Variants in LMO2 observed in about 807,000 individuals in gnomAD.
The protein encoded by LMO2 is rhombotin-2.
Under a neutral mutation model 23.2 loss-of-function variants are expected in LMO2, and 20 were observed. The observed-to-expected ratio is 0.86, with a 90% CI of 0.61 to 1.25. The LOEUF (loss-of-function observed/expected upper bound fraction) is 1.25, where lower values mean the gene tolerates loss of function less well. Among genes scored for constraint, LMO2 ranks in the 50% most tolerant of loss-of-function variants. LMO2 has a pLI of 0.00. For missense variants in LMO2, 270 were observed against 315.3 expected (o/e 0.86, Z 1.09); for synonymous variants, 123 against 130.2 (o/e 0.94, Z 0.38).
intron 1 of LMO2, among the ~76,000 whole-genome samples, chr11:33,882,724 T>G (rs1251205245): frequency 6.6e-6 from 1 of 152,240 alleles, no homozygotes; most frequent in Non-Finnish European, 1.5e-5. Flanking sequence ...TACTTGATCT[T>G]ATTCAATCCT....
Position 33,859,056 on chromosome 11 carries a change from T to C in LMO2, c.*300A>G. 1 of 407,326 alleles carries C rather than the reference T, an allele frequency of 2.5e-6. No homozygotes were observed. The highest frequency in any genetic ancestry group is 4.5e-6 in the Non-Finnish European group (1 of 220,816). 25.2% of individuals were successfully genotyped at this position (407,326 alleles called of 1,614,324 possible). A position where few individuals can be genotyped will look rare whatever the true frequency, so the allele number is the denominator to read the frequency against. On this transcript the variant is annotated 3_prime_UTR_variant, in exon 6 of 6. Coordinates refer to ENST00000257818, the MANE Select transcript of LMO2 (RefSeq NM_005574.4). ...CTGTAGATATGAAATTCCATCATGA[T>C]AGCACAGCGCCTGCTTGCCCCTAAA...
rs1241633794 is a variant in LMO2, at chr11:33,880,177, C to CATGATATATATATCATATATACAA, written c.-272+1646_-272+1647insTTGTATATATGATATATATATCAT. Among the ~76,000 whole-genome samples the CATGATATATATATCATATATACAA allele has an allele frequency of 2.7e-5, 4 of 145,468 alleles. 1 individual carries two copies. The highest frequency in any genetic ancestry group is 4.5e-5 in the Non-Finnish European group (3 of 66,828). ...CATATATATACATATGATATATACA[C>CATGATATATATATCATATATACAA]ATGATATATATATCATATATACACA... On this transcript the variant is annotated intron_variant, in intron 2 of 5. Coordinates refer to ENST00000257818, the MANE Select transcript of LMO2 (RefSeq NM_005574.4). This position sits in a 1 kb window ranked among gnomAD's most constrained non-coding sequence, Gnocchi z 4.3.
intron 1 of LMO2, among the ~76,000 whole-genome samples, chr11:33,886,702 G>C (rs911816): frequency 2.8e-4 from 43 of 152,312 alleles, no homozygotes; most frequent in African/African-American, 1.0e-3. Flanking sequence ...TTTGGCATCC[G>C]TGGTGGGGAA....
intron 5 of LMO2, among the ~76,000 whole-genome samples, chr11:33,862,844 C>T (rs1856633618): frequency 1.3e-5 from 2 of 152,090 alleles, no homozygotes; most frequent in African/African-American, 2.4e-5. Flanking sequence ...AATGCCTGCA[C>T]TAATGCAGAG....
chr11:33,873,739 T>A (rs1464542739), intron 2 of LMO2, among the ~76,000 whole-genome samples: 3 of 151,666 alleles, frequency 2.0e-5, no homozygotes, highest in Non-Finnish European at 4.4e-5. Context: ...CCTTCCTGAA[T>A]AAGAATGCTA....
At chr11:33,888,700 C>A (rs760004555) in intron 1 of LMO2, among the ~76,000 whole-genome samples, 6 of 152,244 alleles carry the variant, frequency 3.9e-5, no homozygotes, top group Non-Finnish European at 8.8e-5. Context: ...ATATTGCCAT[C>A]TGGCATACTA....
At chr11:33,890,593 C>T (rs1278308348) in intron 1 of LMO2, among the ~76,000 whole-genome samples, 1 of 152,230 alleles carries the variant, frequency 6.6e-6, no homozygotes, top group Non-Finnish European at 1.5e-5. Flanking sequence ...CTCAGGCGAT[C>T]TGCCTGCCTT....
At chr11:33,861,554 C>T (rs551063367) in intron 5 of LMO2, among the ~76,000 whole-genome samples, 11 of 152,238 alleles carry the variant, frequency 7.2e-5, no homozygotes, top group South Asian at 2.1e-4. Flanking sequence ...TTTATCCCAA[C>T]GTAGCAGATG....
At chr11:33,867,155 C>G (rs1012064028) in intron 4 of LMO2, among the ~76,000 whole-genome samples, 9 of 152,182 alleles carry the variant, frequency 5.9e-5, no homozygotes, top group African/African-American at 2.2e-4. Context: ...GCAGTGGGGG[C>G]CACCAGTAGC....
chr11:33,887,957 G>T (rs1857453449), intron 1 of LMO2, among the ~76,000 whole-genome samples: 2 of 151,060 alleles, frequency 1.3e-5, no homozygotes, highest in South Asian at 4.2e-4. Flanking sequence ...TTTGGGTTGG[G>T]TTGGGGTGGG....
chr11:33,888,200 C>T (rs1857459166), intron 1 of LMO2, among the ~76,000 whole-genome samples: 1 of 152,172 alleles, frequency 6.6e-6, no homozygotes, highest in African/African-American at 2.4e-5. Context: ...CAAGCGCATT[C>T]GTATATGATC....
chr11:33,859,765 C>A (rs1856501343), intron 5 of LMO2, among the ~76,000 whole-genome samples, 190 bp from the exon 6 acceptor site: 1 of 152,104 alleles, frequency 6.6e-6, no homozygotes, highest in African/African-American at 2.4e-5. Flanking sequence ...ATGAAACTGG[C>A]ATTTGGATCT....
At chr11:33,879,929 C>T (rs894509470) in intron 2 of LMO2, among the ~76,000 whole-genome samples, 8 of 151,972 alleles carry the variant, frequency 5.3e-5, no homozygotes, top group Non-Finnish European at 8.8e-5. Context: ...TTATTGAAAA[C>T]GGTATGCCGG....
intron 2 of LMO2, among the ~76,000 whole-genome samples, chr11:33,877,269 A>C (rs1018194881): frequency 6.6e-5 from 10 of 152,124 alleles, no homozygotes; most frequent in African/African-American, 2.4e-4. Flanking sequence ...CTTCAGAGTC[A>C]CGTGTCTCTG....
chr11:33,880,167 GATATATACACATGATATATATATC>G lies in LMO2; in HGVS notation c.-272+1633_-272+1656del, dbSNP rs1565034543. ...TTTATGTGTACATATATATACATATGATATATACACATGATATATATATCATATATACACATGATATATATATCA... is the reference window on the plus strand; with the variant it reads ...TTTATGTGTACATATATATACATATGATATATACACATGATATATATATCA... On this transcript the variant is annotated intron_variant, in intron 2 of 5. Transcript: ENST00000257818. The surrounding 1 kb of genome is among the most constrained non-coding windows in gnomAD (Gnocchi z 4.3). Among the ~76,000 whole-genome samples the G allele has an allele frequency of 9.2e-4, 30 of 32,624 alleles. 1 individual carries two copies. Among genetic ancestry groups the G allele is most frequent in the Admixed American group, 3.3e-3 (11 of 3,322 alleles). The allele number at this position is 32,624 out of a possible 152,430, so 21.4% of individuals were successfully genotyped here. A position where few individuals can be genotyped will look rare whatever the true frequency, so the allele number is the denominator to read the frequency against.
In LMO2 at chr11:33,869,599, AAG is replaced by A. The variant is rs769004542; in HGVS notation, c.8-15_8-14del. On this transcript the variant is annotated splice_polypyrimidine_tract_variant and intron_variant, in intron 3 of 5. Coordinates refer to ENST00000257818, the MANE Select transcript of LMO2 (RefSeq NM_005574.4). ...GTCACCGCGCTCCCTTCAAACGCCAAAGAGAGAGAGCGAATCACCGGGCTGCG... is the reference window on the plus strand; with the variant it reads ...GTCACCGCGCTCCCTTCAAACGCCAAAGAGAGAGCGAATCACCGGGCTGCG... 9 of 1,281,916 alleles carry A rather than the reference AAG, an allele frequency of 7.0e-6. No individual in the cohort carries two copies. Among genetic ancestry groups the A allele is most frequent in the South Asian group, 4.2e-5 (2 of 47,498 alleles). 79.4% of individuals were successfully genotyped at this position (1,281,916 alleles called of 1,614,324 possible). A position where few individuals can be genotyped will look rare whatever the true frequency, so the allele number is the denominator to read the frequency against.
Position 33,892,007 on chromosome 11 carries a change from G to T in LMO2, c.-548C>A, listed in dbSNP as rs1857567328. On this transcript the variant is annotated 5_prime_UTR_variant, in exon 1 of 6. Transcript: ENST00000257818. ...CCCACTTAACGGCTGAGGGCAGGTG[G>T]GGGTATTTCCTTCTCAATTCTGCTC... The T allele has an allele frequency of 6.6e-6, 1 of 152,258 alleles. No individual in the cohort carries two copies. Among genetic ancestry groups the T allele is most frequent in the African/African-American group, 2.4e-5 (1 of 41,430 alleles). The allele number at this position is 152,258 out of a possible 1,614,324, so 9.4% of individuals were successfully genotyped here. A position where few individuals can be genotyped will look rare whatever the true frequency, so the allele number is the denominator to read the frequency against.
At chr11:33,884,658 G>T (rs756385224) in intron 1 of LMO2, among the ~76,000 whole-genome samples, 1 of 152,142 alleles carries the variant, frequency 6.6e-6, no homozygotes, top group Non-Finnish European at 1.5e-5. Context: ...CAGGCTACAG[G>T]GGACATCCAA....
chr11:33,887,874 A>G (rs11032438), intron 1 of LMO2, among the ~76,000 whole-genome samples: 11,179 of 152,176 alleles, frequency 0.073, 512 homozygotes, highest in South Asian at 0.12. Flanking sequence ...GCACCTAGCC[A>G]AGAATGTGGA....
Sources: allele counts gnomAD v4.1 joint callset (sites outside exome capture counted in the v4.1 genomes callset), GRCh38; gene constraint gnomAD v4.1.1; non-coding constraint Gnocchi (gnomAD v3.1); transcripts MANE v1.5; gene names NCBI Gene and HGNC (gene_info 2026-07-23, HGNC 2026-07-21).